The following SNTG1 variants were observed in gnomAD, a reference collection of about 807,000 sequenced individuals.
The protein encoded by SNTG1 is gamma-1-syntrophin.
In SNTG1, 39 loss-of-function variants were observed where a neutral mutation model predicts 74.7. The observed-to-expected ratio is 0.52, with a 90% CI of 0.40 to 0.68. SNTG1 has a LOEUF of 0.68. SNTG1 is among the 30% of genes least tolerant of loss of function. The pLI is 0.00. For synonymous variants in SNTG1, 254 were observed against 217.1 expected (o/e 1.17, Z -1.49); for missense variants, 685 against 609.5 (o/e 1.12, Z -1.30).
At chr8:50,363,070 T>C (rs2092005781) in intron 2 of SNTG1, among the ~76,000 whole-genome samples, 1 of 152,154 alleles carries the variant, frequency 6.6e-6, no homozygotes, top group Non-Finnish European at 1.5e-5. Context: ...ATTTTGTTTG[T>C]TTTATATTTA....
chr8:50,156,351 T>C (rs954634500), intron 1 of SNTG1, among the ~76,000 whole-genome samples: 1 of 152,110 alleles, frequency 6.6e-6, no homozygotes, highest in African/African-American at 2.4e-5. Context: ...TACGGATCTA[T>C]AACGCTTATG....
At chr8:50,732,407 T>C (rs2095515116) in intron 17 of SNTG1, among the ~76,000 whole-genome samples, 1 of 151,952 alleles carries the variant, frequency 6.6e-6, no homozygotes, top group Admixed American at 6.6e-5. Context: ...GTGTCTTTGT[T>C]TGTTTTAACA....
At chr8:50,037,822 T>C (rs1290880558) in intron 1 of SNTG1, among the ~76,000 whole-genome samples, 1 of 152,186 alleles carries the variant, frequency 6.6e-6, no homozygotes, top group Non-Finnish European at 1.5e-5. Flanking sequence ...TAATAAATCA[T>C]AATTAAAGTA....
rs547576794 is a variant in SNTG1, at chr8:50,114,555, G to A, written c.-102-58006G>A. ...GAAACTGGGGAAATGTTGGCCAAAG[G>A]GTATAAAGTTTCAGTTTTAAGATGA... On this transcript the variant is annotated intron_variant, in intron 1 of 18. Coordinates refer to ENST00000642720, the MANE Select transcript of SNTG1 (RefSeq NM_018967.5). Among the ~76,000 whole-genome samples the A allele has an allele frequency of 9.2e-5, 14 of 152,196 alleles. No individual in the cohort carries two copies. The East Asian group carries it at 2.7e-3, about 29-fold the overall frequency.
intron 15 of SNTG1, among the ~76,000 whole-genome samples, chr8:50,664,370 TA>T (rs758115703): frequency 1.3e-5 from 2 of 152,152 alleles, no homozygotes; most frequent in Non-Finnish European, 2.9e-5. Context: ...AGTGAATATA[TA>T]TCAAGAATGA....
In SNTG1 at chr8:50,509,983, G is replaced by A. The variant is rs560234773; in HGVS notation, c.466+7103G>A. On this transcript the variant is annotated intron_variant, in intron 9 of 18. Coordinates refer to ENST00000642720, the MANE Select transcript of SNTG1 (RefSeq NM_018967.5). ...ATAGGAGTGGTGAGAGAGCATCCCT[G>A]TCTTGTGCCAGTATTCAAAGGGAAT... Among the ~76,000 whole-genome samples, 126 of 152,158 alleles carry A rather than the reference G, an allele frequency of 8.3e-4. 2 individuals carry two copies. In the South Asian group the frequency reaches 0.025, roughly 30 times the overall value.
intron 11 of SNTG1, among the ~76,000 whole-genome samples, chr8:50,542,773 T>C (rs2094357628): frequency 6.6e-6 from 1 of 152,176 alleles, no homozygotes; most frequent in African/African-American, 2.4e-5. Flanking sequence ...CTGTCTTTCA[T>C]ATATAAGCCA....
intron 2 of SNTG1, among the ~76,000 whole-genome samples, chr8:50,284,065 A>G (rs982670950): frequency 6.6e-6 from 1 of 152,054 alleles, no homozygotes; most frequent in African/African-American, 2.4e-5. Flanking sequence ...GATAACACAT[A>G]GTATTTATTC....
At chr8:50,477,358 T>C (rs1473788177) in intron 8 of SNTG1, among the ~76,000 whole-genome samples, 10 of 152,114 alleles carry the variant, frequency 6.6e-5, no homozygotes, top group Non-Finnish European at 1.5e-5. Context: ...AAAATGACCC[T>C]TTATTTCTGT....
intron 2 of SNTG1, among the ~76,000 whole-genome samples, chr8:50,243,913 G>C (rs2086275832): frequency 6.6e-6 from 1 of 152,064 alleles, no homozygotes; most frequent in African/African-American, 2.4e-5. Context: ...CGACCTTTCT[G>C]TCATTGAGCT....
chr8:50,140,178 T>C (rs1334050899), intron 1 of SNTG1, among the ~76,000 whole-genome samples: 1 of 152,148 alleles, frequency 6.6e-6, no homozygotes, highest in Non-Finnish European at 1.5e-5. Flanking sequence ...ATGCTGGAAA[T>C]CAAGAAGTGT....
chr8:50,602,682 G>C (rs1310424386), intron 13 of SNTG1, among the ~76,000 whole-genome samples: 1 of 152,104 alleles, frequency 6.6e-6, no homozygotes, highest in Non-Finnish European at 1.5e-5. Context: ...TTTCTTGTAG[G>C]ACAGGTCTGG....
intron 1 of SNTG1, among the ~76,000 whole-genome samples, chr8:50,171,102 T>A (rs2082789356): frequency 6.6e-6 from 1 of 152,008 alleles, no homozygotes; most frequent in Admixed American, 6.5e-5. Context: ...AGGAGTGAAA[T>A]CCACAACTGC....
chr8:50,402,941 T>C (rs1489150165), intron 4 of SNTG1, among the ~76,000 whole-genome samples: 1 of 152,206 alleles, frequency 6.6e-6, no homozygotes, highest in African/African-American at 2.4e-5. Context: ...TAAATTACAG[T>C]GCAAAACTGA....
intron 11 of SNTG1, among the ~76,000 whole-genome samples, chr8:50,552,117 C>T (rs978264029): frequency 1.1e-4 from 17 of 152,314 alleles, no homozygotes; most frequent in African/African-American, 4.1e-4. Context: ...TTTTCTGTTA[C>T]TGTCAAAATT....
chr8:50,168,091 C>A (rs910831196), intron 1 of SNTG1, among the ~76,000 whole-genome samples: 6 of 151,802 alleles, frequency 4.0e-5, no homozygotes, highest in African/African-American at 1.5e-4. Context: ...AATTACAATT[C>A]CTTTAATTTG....
chr8:50,579,599 T>C (rs1378059224), intron 12 of SNTG1, among the ~76,000 whole-genome samples: 1 of 152,138 alleles, frequency 6.6e-6, no homozygotes, highest in East Asian at 1.9e-4. Context: ...CATGGTGCCC[T>C]GCATCGCAGC....
intron 2 of SNTG1, among the ~76,000 whole-genome samples, chr8:50,174,946 G>A (rs1009240624): frequency 1.4e-5 from 2 of 146,790 alleles, no homozygotes; most frequent in East Asian, 2.0e-4. Context: ...CCACCTATGA[G>A]TGAGAACATG....
rs553830457 is a variant in SNTG1 at position 50,462,794 on chromosome 8, CTCTTT to C, written c.363+12067_363+12071del. Among the ~76,000 whole-genome samples the C allele has an allele frequency of 3.5e-3, 153 of 43,624 alleles. 41 individuals carry two copies. The highest frequency in any genetic ancestry group is 9.8e-3 in the African/African-American group (132 of 13,408). The allele number at this position is 43,624 out of a possible 152,430, so 28.6% of individuals were successfully genotyped here. The stretch of plus-strand genomic sequence containing the variant: ...AACTCAGTCGCATCTTCAGGTTCTA[CTCTTT>C]TTTTTTTTTTTTTTTTTTTTTTTTT... On this transcript the variant is annotated intron_variant, in intron 8 of 18. Coordinates refer to ENST00000642720, the MANE Select transcript of SNTG1 (RefSeq NM_018967.5).
Sources: gnomAD v4.1 joint callset for allele counts (sites outside exome capture counted in the v4.1 genomes callset) on GRCh38, gnomAD v4.1.1 for gene constraint, MANE v1.5 for transcripts, NCBI Gene and HGNC (gene_info 2026-07-23, HGNC 2026-07-21) for gene names.